The following RYR2 variants were observed in gnomAD, a reference collection of about 807,000 sequenced individuals.
RYR2 encodes the protein ryanodine receptor 2.
In RYR2, 227 loss-of-function variants were observed where a neutral mutation model predicts 601.1. The observed-to-expected ratio is 0.38, with a 90% CI of 0.34 to 0.42. RYR2 has a LOEUF of 0.42. Among genes scored for constraint, RYR2 ranks in the 10% least tolerant of loss-of-function variants. The pLI, the probability that RYR2 is intolerant of heterozygous loss-of-function variation, is 1.00. For synonymous variants in RYR2, 2,223 were observed against 2,175.1 expected, an observed-to-expected ratio of 1.02 and a Z score of -0.61; for missense variants, 4,646 against 6,156.5, an observed-to-expected ratio of 0.75 and a Z score of 8.21.
intron 11 of RYR2, among the ~76,000 whole-genome samples, chr1:237,421,183 G>A (rs1318804038): frequency 6.6e-6 from 1 of 152,218 alleles, no homozygotes; most frequent in East Asian, 1.9e-4. Flanking sequence ...AGTTTACAGT[G>A]AGCCAAGATC....
At chr1:237,352,746 GC>G in intron 3 of RYR2, 1 of 353,554 alleles carries the variant, frequency 2.8e-6, no homozygotes, top group South Asian at 2.3e-5. Context: ...GAAAAATAGA[GC>G]AGGATAGAGT....
At chr1:237,129,424 A>G (rs1300092968) in intron 1 of RYR2, among the ~76,000 whole-genome samples, 1 of 152,194 alleles carries the variant, frequency 6.6e-6, no homozygotes, top group East Asian at 1.9e-4. Flanking sequence ...ATTCGGGAGA[A>G]CATGGAAATC....
intron 19 of RYR2, among the ~76,000 whole-genome samples, chr1:237,493,629 T>C: frequency 6.6e-6 from 1 of 152,072 alleles, no homozygotes; most frequent in Non-Finnish European, 1.5e-5. Flanking sequence ...ATTTTTTGTA[T>C]TTTTAGTAGA....
At chr1:237,348,254 C>A (rs1698469636) in intron 3 of RYR2, among the ~76,000 whole-genome samples, 1 of 152,178 alleles carries the variant, frequency 6.6e-6, no homozygotes. Flanking sequence ...GGATAACTGG[C>A]ATGCACCACT....
chr1:237,596,955 GCA>G (rs1349173718), intron 34 of RYR2, among the ~76,000 whole-genome samples: 5 of 152,176 alleles, frequency 3.3e-5, no homozygotes, highest in African/African-American at 1.2e-4. Flanking sequence ...ATAAGCAAAA[GCA>G]GAATGAATTC....
intron 63 of RYR2, 134 bp from the exon 64 acceptor site, chr1:237,698,831 C>T: frequency 3.8e-6 from 2 of 532,814 alleles, no homozygotes; most frequent in Admixed American, 3.4e-5. Context: ...TGATTTCAAA[C>T]TTGATTATTA....
At chr1:237,093,195 GT>G (rs1163200991) in intron 1 of RYR2, among the ~76,000 whole-genome samples, 1 of 152,194 alleles carries the variant, frequency 6.6e-6, no homozygotes, top group Non-Finnish European at 1.5e-5. Context: ...TTGGACAGCA[GT>G]GATTCCATAA....
intron 1 of RYR2, among the ~76,000 whole-genome samples, chr1:237,190,952 C>T (rs942875485): frequency 1.3e-5 from 2 of 152,158 alleles, no homozygotes; most frequent in African/African-American, 4.8e-5. Context: ...GTTTTTGTGG[C>T]CTACGCTTTT....
chr1:237,245,987 GA>G (rs1686776860), intron 1 of RYR2, among the ~76,000 whole-genome samples: 1 of 151,784 alleles, frequency 6.6e-6, no homozygotes, highest in Admixed American at 6.6e-5. Context: ...TCCCCATGTT[GA>G]CCTGGCTGGT....
chr1:237,347,372 T>C (rs1178854318), intron 3 of RYR2, among the ~76,000 whole-genome samples: 3 of 152,144 alleles, frequency 2.0e-5, no homozygotes, highest in South Asian at 4.1e-4. Context: ...ATATGTATAA[T>C]AATAGGTTCT....
Position 237,127,512 on chromosome 1 carries a change from G to C in RYR2, c.48+84943G>C, listed in dbSNP as rs546203760. ...GACGGGGCGGCTGGCCGGGCGGGGG[G>C]CTGATGCCCCCACCTCCCTCCCGGA... On this transcript the variant is annotated intron_variant, in intron 1 of 104. Coordinates refer to ENST00000366574, the MANE Select transcript of RYR2 (RefSeq NM_001035.3). Among the ~76,000 whole-genome samples, 386 of 151,128 alleles carry C rather than the reference G, an allele frequency of 2.6e-3. 2 individuals are homozygous for C. The highest frequency in any genetic ancestry group is 6.3e-3 in the African/African-American group (259 of 41,182).
At chr1:237,227,737 C>A (rs914963441) in intron 1 of RYR2, among the ~76,000 whole-genome samples, 1 of 152,122 alleles carries the variant, frequency 6.6e-6, no homozygotes, top group Non-Finnish European at 1.5e-5. Flanking sequence ...CTGCCCAGGG[C>A]GGGTTCTTGC....
intron 36 of RYR2, among the ~76,000 whole-genome samples, chr1:237,612,613 G>A (rs958477096): frequency 1.5e-4 from 22 of 151,426 alleles, no homozygotes; most frequent in Admixed American, 3.3e-4. Context: ...TTTTTTTTGT[G>A]AGAAGAGTTT....
rs571030295 is a variant in RYR2 at position 237,607,340 on chromosome 1, C to T, written c.4684-3422C>T. 4.1e-4 allele frequency among the ~76,000 whole-genome samples: 63 copies of T among 151,954 alleles called. 1 individual carries two copies. The South Asian group carries it at 9.8e-3, about 24-fold the overall frequency. ...ATCACAAGGACAAAAAACCACACAC[C>T]GCATGTTCTTACTCACAGGTGGGAA... On this transcript the variant is annotated intron_variant, in intron 35 of 104. Transcript: ENST00000366574.
At chr1:237,336,885 TTAAA>T (rs1370036424) in intron 3 of RYR2, among the ~76,000 whole-genome samples, 2 of 151,096 alleles carry the variant, frequency 1.3e-5, no homozygotes, top group African/African-American at 4.9e-5. Context: ...AATTAATTAA[TTAAA>T]TAAAACACTT....
At chr1:237,630,841 C>T (rs1054969440) in intron 41 of RYR2, among the ~76,000 whole-genome samples, 6 of 152,036 alleles carry the variant, frequency 3.9e-5, no homozygotes, top group Admixed American at 2.6e-4. Context: ...ACTGGATGTC[C>T]GTTTTAATGA....
chr1:237,517,569 A>G (rs1666673740), intron 24 of RYR2, among the ~76,000 whole-genome samples: 1 of 151,962 alleles, frequency 6.6e-6, no homozygotes, highest in Non-Finnish European at 1.5e-5. Context: ...ATTCAAAGCC[A>G]TCCTGGGCTG....
chr1:237,375,064 A>G (rs1700914985), intron 7 of RYR2, among the ~76,000 whole-genome samples: 2 of 152,206 alleles, frequency 1.3e-5, no homozygotes, highest in Admixed American at 1.3e-4. Flanking sequence ...TACATGATTT[A>G]CTGGGTGTTA....
At position 237,718,470 on chromosome 1, in the gene RYR2, C is replaced by T. The variant is rs2797441; in HGVS notation, c.10503C>T (p.Thr3501=). 1,561,833 of 1,573,354 alleles carry T rather than the reference C, an allele frequency of 0.99. 775,840 individuals are homozygous for T. The highest frequency in any genetic ancestry group is 1 in the East Asian group (44,520 of 44,520). ...LAKNRFSLKD[T]EDEVRDIIRS... ...CATATATTTCTTGACAGAAAGATAC[C>T]GAGGATGAAGTACGAGATATAATCC... Residue 3501 remains threonine (T), a synonymous_variant, in exon 73 of 105, where the codon ACC becomes ACT. Transcript: ENST00000366574.
Sources: gnomAD v4.1 joint callset for allele counts (sites outside exome capture counted in the v4.1 genomes callset) on GRCh38, gnomAD v4.1.1 for gene constraint, MANE v1.5 for transcripts, NCBI Gene and HGNC (gene_info 2026-07-23, HGNC 2026-07-21) for gene names.